LPA: variants seen among roughly 807,000 people sequenced by gnomAD.
The protein encoded by LPA is apolipoprotein(a).
LPA carries 199 observed loss-of-function variants against 197.9 expected under a neutral mutation model. The ratio of observed to expected loss-of-function variants is 1.01; its 90% confidence interval spans 0.90 to 1.13. LPA has a LOEUF of 1.13. Among genes scored for constraint, LPA ranks in the 50% most tolerant of loss-of-function variants. LPA has a pLI of 0.00. For missense variants in LPA, 1,853 were observed against 1,785.8 expected, an observed-to-expected ratio of 1.04 and a Z score of -0.68; for synonymous variants, 715 against 639.5, an observed-to-expected ratio of 1.12 and a Z score of -1.78.
intron 2 of LPA, among the ~76,000 whole-genome samples, chr6:160,647,213 C>T (rs1779905958): frequency 1.3e-5 from 2 of 152,242 alleles, no homozygotes; most frequent in Non-Finnish European, 2.9e-5. Context: ...AGGAAGATGG[C>T]AGGAAGACTA....
At chr6:160,571,195 G>A (rs938343702) in intron 28 of LPA, among the ~76,000 whole-genome samples, 16 of 152,132 alleles carry the variant, frequency 1.1e-4, no homozygotes, top group African/African-American at 3.4e-4. Flanking sequence ...TGAAGTTCTC[G>A]TGCTGTGTTT....
chr6:160,592,191 A>T (rs1779043073), intron 22 of LPA, among the ~76,000 whole-genome samples: 1 of 152,108 alleles, frequency 6.6e-6, no homozygotes, highest in East Asian at 1.9e-4. Flanking sequence ...GATGTCCTTG[A>T]GGCTCTGTTG....
At position 160,594,086 on chromosome 6, in the gene LPA, A is replaced by T. The variant is rs200553919; in HGVS notation, c.3501T>A (p.Asp1167Glu). The T allele has an allele frequency of 5.0e-6, 8 of 1,613,888 alleles. No individual in the cohort carries two copies. In the South Asian group the frequency reaches 8.8e-5, roughly 18 times the overall value. The change falls in exon 22 of 39, where the codon GAT (aspartate) becomes GAA (glutamate). Residue 1167 changes from aspartate (D) to glutamate (E), a missense_variant. By Grantham distance (45) the Asp-to-Glu change is conservative. Transcript: ENST00000316300. The part of the protein sequence containing the change: ...APTEQSPGVQ[D>E]CYHGDGQSYR... Reference sequence around the variant, plus strand: ...AACTCTGTCCATCACCATGGTAGCAATCCTGGACCCCGGGGCTTTGCTCCG... The same window carrying T: ...AACTCTGTCCATCACCATGGTAGCATTCCTGGACCCCGGGGCTTTGCTCCG...
At chr6:160,604,988 T>C in intron 18 of LPA, 58 bp downstream of exon 18, 2 of 1,608,074 alleles carry the variant, frequency 1.2e-6, no homozygotes, top group South Asian at 2.2e-5. Flanking sequence ...AGCATGACTC[T>C]ACTAACAGAA....
chr6:160,607,366 C>G (rs1008005614), intron 16 of LPA, among the ~76,000 whole-genome samples: 2 of 152,114 alleles, frequency 1.3e-5, no homozygotes, highest in African/African-American at 4.8e-5. Context: ...CTGGGCAGGA[C>G]CTTCTCTCCT....
chr6:160,551,975 A>C (rs1778174020), intron 30 of LPA, among the ~76,000 whole-genome samples: 1 of 148,858 alleles, frequency 6.7e-6, no homozygotes, highest in Non-Finnish European at 1.5e-5. Context: ...ATGCAGAGGC[A>C]TGATCAATGC....
intron 16 of LPA, among the ~76,000 whole-genome samples, chr6:160,611,246 T>G (rs534817595): frequency 6.6e-6 from 1 of 152,240 alleles, no homozygotes; most frequent in South Asian, 2.1e-4. Context: ...AACTGGAAAG[T>G]CTTCATTGAC....
At chr6:160,601,463 G>A (rs80145669) in intron 18 of LPA, among the ~76,000 whole-genome samples, 3,946 of 152,240 alleles carry the variant, frequency 0.026, 69 homozygotes, top group East Asian at 0.043. Flanking sequence ...AATTGGTTAT[G>A]CACATACAAA....
At position 160,650,513 on chromosome 6, in the gene LPA, A is replaced by G. The variant is rs1339551774; in HGVS notation, c.50-16T>C. 1.9e-6 allele frequency: 3 copies of G among 1,612,788 alleles called. No individual in the cohort carries two copies. Among genetic ancestry groups the G allele is most frequent in the African/African-American group, 1.3e-5 (1 of 75,004 alleles). ...TCAGGTGCTGCTAAAATTAAAACAG[A>G]AGAAATCAAGCTGAATAGTTCTTAG... is the stretch of plus-strand genomic sequence containing the variant. On this transcript the variant is annotated splice_polypyrimidine_tract_variant and intron_variant, in intron 1 of 38. Coordinates refer to ENST00000316300, the MANE Select transcript of LPA (RefSeq NM_005577.4).
At chr6:160,532,070 A>C (rs1372064054) in intron 38 of LPA, among the ~76,000 whole-genome samples, 180 bp from the exon 39 acceptor site, 1 of 152,182 alleles carries the variant, frequency 6.6e-6, no homozygotes, top group Non-Finnish European at 1.5e-5. Context: ...TATTCAACAA[A>C]ACCACATCAC....
At position 160,577,156 on chromosome 6, in the gene LPA, G is replaced by A. The variant is rs1778699367; in HGVS notation, c.4611C>T (p.Thr1537=). The A allele has an allele frequency of 1.2e-6, 2 of 1,613,658 alleles. No individual in the cohort carries two copies. Among genetic ancestry groups the A allele is most frequent in the South Asian group, 1.1e-5 (1 of 91,052 alleles). Residue 1537 remains threonine, a synonymous_variant, in exon 28 of 39, where the codon ACC becomes ACT. Transcript: ENST00000316300. ...CATACGCATTTGGGTAGTTTTCTGG[G>A]GTCCTCTGATGCCAGTGTGGTATCA... is the stretch of plus-strand genomic sequence containing the variant. ...SSMIPHWHQR[T]PENYPNAGLT...
intron 1 of LPA, among the ~76,000 whole-genome samples, chr6:160,656,778 G>A (rs888221372): frequency 3.3e-5 from 5 of 152,216 alleles, no homozygotes; most frequent in South Asian, 2.1e-4. Context: ...TAACAGGTTC[G>A]AGTCTGGAAA....
chr6:160,646,715 A>C (rs1360184509), intron 2 of LPA, among the ~76,000 whole-genome samples: 1 of 138,550 alleles, frequency 7.2e-6, no homozygotes, highest in Non-Finnish European at 1.5e-5. Flanking sequence ...TGCCCAATCC[A>C]TCTCTCTGGA....
chr6:160,543,897 G>A (rs1188248244), intron 33 of LPA, among the ~76,000 whole-genome samples: 1 of 152,168 alleles, frequency 6.6e-6, no homozygotes, highest in Non-Finnish European at 1.5e-5. Context: ...TCCTTCTGCA[G>A]GAAACAGTCC....
In LPA at chr6:160,599,645, T is replaced by C. The variant is rs778579061; in HGVS notation, c.3142A>G (p.Thr1048Ala). 1 of 1,613,452 alleles carries C rather than the reference T, an allele frequency of 6.2e-7. No homozygotes were observed. The highest frequency in any genetic ancestry group is 2.2e-5 in the East Asian group (1 of 44,834). The change falls in exon 20 of 39, where the codon ACC (threonine) becomes GCC (alanine). Residue 1048 changes from threonine (T) to alanine (A), a missense_variant. By Grantham distance (58) the Thr-to-Ala change is moderately conservative. Around this residue, in one of 3 missense-constraint regions of LPA, gnomAD observed 1,737 missense variants for 1,504.4 expected, o/e 1.15. Coordinates refer to ENST00000316300, the MANE Select transcript of LPA (RefSeq NM_005577.4). Reference protein sequence around the residue: ...AFFEQALTEETPGVQDCYYHY... With the variant: ...AFFEQALTEEAPGVQDCYYHY... ...TAGTAGCAGTCCTGTACCCCGGGGG[T>C]TTCCTCAGTCAGTGCTGAAATTAAA...
chr6:160,599,463 G>T, intron 20 of LPA, 37 bp downstream of exon 20: 1 of 1,611,524 alleles, frequency 6.2e-7, no homozygotes, highest in Non-Finnish European at 8.5e-7. Context: ...ACTTCCATTG[G>T]CCCTTCCTTC....
chr6:160,578,409 C>A, intron 27 of LPA, 114 bp downstream of exon 27: 2 of 1,335,500 alleles, frequency 1.5e-6, no homozygotes, highest in South Asian at 2.4e-5. Context: ...GGCTTTCCTC[C>A]ACATTGCAGA....
intron 23 of LPA, among the ~76,000 whole-genome samples, chr6:160,590,018 G>C (rs1270567240): frequency 6.6e-6 from 1 of 152,222 alleles, no homozygotes; most frequent in Non-Finnish European, 1.5e-5. Flanking sequence ...GTGTTCCTGA[G>C]AACAAGGCAG....
At chr6:160,536,261 C>A (rs1345256773) in intron 37 of LPA, among the ~76,000 whole-genome samples, 2 of 152,144 alleles carry the variant, frequency 1.3e-5, no homozygotes, top group Non-Finnish European at 2.9e-5. Flanking sequence ...GGATTTGGGG[C>A]CATCATGTGA....
Sources: allele counts gnomAD v4.1 joint callset (sites outside exome capture counted in the v4.1 genomes callset), GRCh38; gene constraint gnomAD v4.1.1; regional missense constraint gnomAD v4.1.1; transcripts MANE v1.5; gene names NCBI Gene and HGNC (gene_info 2026-07-23, HGNC 2026-07-21).